Variants in RICTOR observed in about 807,000 individuals in gnomAD.
The protein encoded by RICTOR is rapamycin-insensitive companion of mTOR.
In RICTOR, 49 loss-of-function variants were observed where a neutral mutation model predicts 214.9. The ratio of observed to expected loss-of-function variants is 0.23; its 90% CI spans 0.18 to 0.29. The LOEUF is 0.29. Ranked by LOEUF, RICTOR falls within the 10% of genes least tolerant of loss-of-function variation. The pLI, the probability that RICTOR is intolerant of heterozygous loss-of-function variation, is 1.00. For synonymous variants in RICTOR, 717 were observed against 711.3 expected, an observed-to-expected ratio of 1.01 and a Z score of -0.13; for missense variants, 1,625 against 2,047.0, an observed-to-expected ratio of 0.79 and a Z score of 3.98.
At chr5:39,022,065 T>C (rs576037853) in intron 2 of RICTOR, among the ~76,000 whole-genome samples, 2 of 152,306 alleles carry the variant, frequency 1.3e-5, no homozygotes, top group East Asian at 3.9e-4. Context: ...GTACTCAATA[T>C]ATTACATGAA....
chr5:39,020,893 G>T (rs1477525861), intron 3 of RICTOR, 146 bp downstream of exon 3: 1 of 598,238 alleles, frequency 1.7e-6, no homozygotes, highest in South Asian at 2.2e-5. Flanking sequence ...AGATACACTG[G>T]ACAAAATCCA....
chr5:39,033,550 C>G (rs1293167949), intron 2 of RICTOR, among the ~76,000 whole-genome samples: 1 of 152,160 alleles, frequency 6.6e-6, no homozygotes, highest in Non-Finnish European at 1.5e-5. Flanking sequence ...GCATAAAACA[C>G]TGCACCTGGC....
At chr5:39,061,278 T>C (rs528508869) in intron 2 of RICTOR, among the ~76,000 whole-genome samples, 1 of 152,218 alleles carries the variant, frequency 6.6e-6, no homozygotes, top group South Asian at 2.1e-4. Flanking sequence ...GAACTAGGAC[T>C]AACTGCAGAA....
At chr5:38,968,383 TA>T (rs1750414106) in intron 11 of RICTOR, among the ~76,000 whole-genome samples, 1 of 152,016 alleles carries the variant, frequency 6.6e-6, no homozygotes, top group Admixed American at 6.6e-5. Flanking sequence ...TAATACCTGA[TA>T]ATGATAATAA....
chr5:38,996,646 ATTTG>A (rs1753197218), intron 6 of RICTOR, among the ~76,000 whole-genome samples, 169 bp downstream of exon 6: 1 of 152,208 alleles, frequency 6.6e-6, no homozygotes, highest in Non-Finnish European at 1.5e-5. Context: ...TCCACAAAAT[ATTTG>A]TTTACCTCAA....
Position 38,992,437 on chromosome 5 carries a change from A to C in RICTOR, c.457-1362T>G, listed in dbSNP as rs534321523. ...CAAAATGCATGTAATATATTCTGTA[A>C]AGAGCTGGCTGAAAAAACCGGCAAA... On this transcript the variant is annotated intron_variant, in intron 6 of 37. Transcript: ENST00000357387. Among the ~76,000 whole-genome samples, 10 of 152,282 alleles carry C rather than the reference A, an allele frequency of 6.6e-5. No homozygotes were observed. In the South Asian group the frequency reaches 1.9e-3, roughly 28 times the overall value.
At position 38,971,866 on chromosome 5, in the gene RICTOR, CT is replaced by C; in HGVS notation, c.972+10del. The C allele has an allele frequency of 8.8e-7, 1 of 1,139,786 alleles. No individual in the cohort carries two copies. The highest frequency in any genetic ancestry group is 1.3e-6 in the Non-Finnish European group (1 of 757,376). The allele number at this position is 1,139,786 out of a possible 1,614,324, so 70.6% of individuals were successfully genotyped here. Reference sequence around the variant, plus strand: ...TCCAGGAATGAAACAATCCTAATAACTTTTACCTACCCTTATTTCCATATTT... The same window carrying C: ...TCCAGGAATGAAACAATCCTAATAACTTTACCTACCCTTATTTCCATATTT... On this transcript the variant is annotated intron_variant, in intron 11 of 37. Transcript: ENST00000357387.
intron 2 of RICTOR, among the ~76,000 whole-genome samples, chr5:39,069,187 G>T (rs907551748): frequency 6.6e-6 from 1 of 152,174 alleles, no homozygotes; most frequent in Non-Finnish European, 1.5e-5. Context: ...AGTACAGAGG[G>T]AGAGTTTTGC....
intron 5 of RICTOR, among the ~76,000 whole-genome samples, chr5:39,000,248 T>A (rs1302684447): frequency 6.6e-6 from 1 of 151,604 alleles, no homozygotes; most frequent in African/African-American, 2.4e-5. Context: ...CAAAAAAAAA[T>A]ACATATCTTA....
intron 16 of RICTOR, among the ~76,000 whole-genome samples, chr5:38,963,430 A>G (rs35831082): frequency 0.33 from 50,829 of 151,820 alleles, 9,546 homozygotes; most frequent in East Asian, 0.42. Flanking sequence ...TGAGGTTGAA[A>G]TAATTTCACT....
chr5:38,966,715 C>T lies in RICTOR; in HGVS notation c.1225G>A (p.Val409Ile), dbSNP rs771866090. 2 of 1,543,358 alleles carry T rather than the reference C, an allele frequency of 1.3e-6. No individual in the cohort carries two copies. The highest frequency in any genetic ancestry group is 2.3e-5 in the South Asian group (2 of 85,742). The change falls in exon 15 of 38, where the codon GTT becomes ATT. Residue 409 changes from valine to isoleucine, a missense_variant. By Grantham distance (29) the Val-to-Ile change is conservative. Around this residue, in one of 5 missense-constraint regions of RICTOR, gnomAD observed 1,214 missense variants for 1,470.5 expected, o/e 0.83. Transcript: ENST00000357387. The part of the protein sequence containing the change: ...FIRNGLLEGL[V>I]EVITNSDDHI... The stretch of plus-strand genomic sequence containing the variant: ...TCATCACTGTTTGTTATCACTTCAA[C>T]TAGACCCTTTGAAAATAAAAAGATA...
At chr5:39,072,452 A>G (rs990860895) in intron 2 of RICTOR, among the ~76,000 whole-genome samples, 8 of 152,192 alleles carry the variant, frequency 5.3e-5, no homozygotes, top group Non-Finnish European at 1.0e-4. Context: ...ATACAACTAT[A>G]TATTTCCAGC....
intron 28 of RICTOR, 59 bp downstream of exon 28, chr5:38,953,402 A>G (rs2112876328): frequency 1.4e-6 from 1 of 723,416 alleles, no homozygotes; most frequent in Non-Finnish European, 2.2e-6. Flanking sequence ...AGTATAAATG[A>G]AAAAAAAACT....
intron 2 of RICTOR, among the ~76,000 whole-genome samples, chr5:39,060,429 A>T (rs1168252101): frequency 6.6e-6 from 1 of 152,068 alleles, no homozygotes; most frequent in Non-Finnish European, 1.5e-5. Context: ...AGGACTCCTA[A>T]ATATAGGGAT....
Position 38,944,305 on chromosome 5 carries a change from T to C in RICTOR, c.4913+141A>G, listed in dbSNP as rs1747934400. 4 of 826,916 alleles carry C rather than the reference T, an allele frequency of 4.8e-6. No homozygotes were observed. The Admixed American group carries it at 5.6e-5, about 11-fold the overall frequency. 51.2% of individuals were successfully genotyped at this position (826,916 alleles called of 1,614,324 possible). ...GTTTTGGCTGAAGTATTAAAGAAAA[T>C]CTAGCCTCACACAGGTATGCAATGC... is the stretch of plus-strand genomic sequence containing the variant. On this transcript the variant is annotated intron_variant, in intron 36 of 37. Transcript: ENST00000357387.
At chr5:39,006,774 A>AGGG (rs1561524852) in intron 3 of RICTOR, among the ~76,000 whole-genome samples, 24 of 43,024 alleles carry the variant, frequency 5.6e-4, no homozygotes, top group Non-Finnish European at 8.0e-4. Flanking sequence ...AGGGGAGAGG[A>AGGG]GAGGAGGGGA....
intron 7 of RICTOR, among the ~76,000 whole-genome samples, chr5:38,986,568 C>A (rs1434983371): frequency 6.6e-6 from 1 of 152,166 alleles, no homozygotes; most frequent in African/African-American, 2.4e-5. Context: ...CTCCACTTCC[C>A]TACCAGAAAT....
At chr5:39,057,004 A>T (rs190805859) in intron 2 of RICTOR, among the ~76,000 whole-genome samples, 3 of 152,316 alleles carry the variant, frequency 2.0e-5, no homozygotes, top group African/African-American at 4.8e-5. Context: ...TCTACCTTGC[A>T]AATACCACCT....
At chr5:39,036,939 A>T (rs1756756355) in intron 2 of RICTOR, among the ~76,000 whole-genome samples, 1 of 152,140 alleles carries the variant, frequency 6.6e-6, no homozygotes, top group South Asian at 2.1e-4. Flanking sequence ...ATACCCAGGA[A>T]TTGAACTCAG....
Sources: gnomAD v4.1 joint callset for allele counts (sites outside exome capture counted in the v4.1 genomes callset) on GRCh38, gnomAD v4.1.1 for gene constraint, gnomAD v4.1.1 regional missense constraint, MANE v1.5 for transcripts, NCBI Gene and HGNC (gene_info 2026-07-23, HGNC 2026-07-21) for gene names.